The following SLCO5A1 variants were observed in gnomAD, a reference collection of about 807,000 sequenced individuals.
SLCO5A1 encodes solute carrier organic anion transporter family member 5A1.
A neutral mutation model predicts 65.1 loss-of-function variants in SLCO5A1; 39 were observed. The ratio of observed to expected loss-of-function variants is 0.60; its 90% confidence interval spans 0.46 to 0.78. The LOEUF (loss-of-function observed/expected upper bound fraction) is 0.78. Ranked by LOEUF, SLCO5A1 falls within the 30% of genes least tolerant of loss-of-function variation. The probability of loss-of-function intolerance (pLI) is 0.00; values close to 1 mark genes in which losing one functional copy is unlikely to be tolerated. For synonymous variants in SLCO5A1, 438 were observed against 415.7 expected (o/e 1.05, Z -0.65); for missense variants, 1,029 against 1,069.4 (o/e 0.96, Z 0.53).
At chr8:69,777,153 C>T (rs1818594801) in intron 2 of SLCO5A1, among the ~76,000 whole-genome samples, 1 of 152,194 alleles carries the variant, frequency 6.6e-6, no homozygotes, top group Admixed American at 6.5e-5. Flanking sequence ...TCCAAAACAT[C>T]TATCTAGAGA....
At chr8:69,721,243 G>T (rs752334885) in intron 5 of SLCO5A1, among the ~76,000 whole-genome samples, 4 of 152,154 alleles carry the variant, frequency 2.6e-5, no homozygotes, top group African/African-American at 9.7e-5. Flanking sequence ...AAGCACTGTG[G>T]GTGATTACAG....
chr8:69,806,883 C>T (rs139391788), intron 2 of SLCO5A1, among the ~76,000 whole-genome samples: 1 of 152,300 alleles, frequency 6.6e-6, no homozygotes. Flanking sequence ...AGTGGGAAAA[C>T]AGAAGTTAAT....
At chr8:69,793,797 A>G (rs1304743975) in intron 2 of SLCO5A1, among the ~76,000 whole-genome samples, 1 of 151,074 alleles carries the variant, frequency 6.6e-6, no homozygotes, top group African/African-American at 2.4e-5. Flanking sequence ...AAATAAATAA[A>G]TAAATAAATA....
intron 5 of SLCO5A1, among the ~76,000 whole-genome samples, chr8:69,715,138 C>T (rs1364624400): frequency 6.6e-6 from 1 of 152,102 alleles, no homozygotes; most frequent in African/African-American, 2.4e-5. Context: ...GGGCAAAAAC[C>T]ACTTGAAACG....
At chr8:69,688,436 T>A (rs1056389503) in intron 6 of SLCO5A1, among the ~76,000 whole-genome samples, 2 of 152,104 alleles carry the variant, frequency 1.3e-5, no homozygotes, top group African/African-American at 4.8e-5. Flanking sequence ...GCTGCACCCA[T>A]TAACTCGTCA....
At chr8:69,754,433 G>A (rs989537372) in intron 4 of SLCO5A1, among the ~76,000 whole-genome samples, 1 of 152,116 alleles carries the variant, frequency 6.6e-6, no homozygotes, top group African/African-American at 2.4e-5. Flanking sequence ...TTTATTCCAG[G>A]CTGGAAATGT....
chr8:69,816,846 CAT>C (rs1563372056), intron 2 of SLCO5A1, among the ~76,000 whole-genome samples: 2 of 152,166 alleles, frequency 1.3e-5, no homozygotes, highest in Non-Finnish European at 2.9e-5. Context: ...CATTATTTAA[CAT>C]GTGCTAGAAT....
Position 69,832,357 on chromosome 8 carries a change from G to A in SLCO5A1, c.317C>T (p.Ser106Leu), listed in dbSNP as rs375811111. ...GAGCATGGCCAAGGCGGAGGACACCGAGAAGGTTTTGCTGAGGTCCACCCT... is the reference window on the plus strand; with the variant it reads ...GAGCATGGCCAAGGCGGAGGACACCAAGAAGGTTTTGCTGAGGTCCACCCT... ...NHRVDLSKTF[S>L]VSSALAMLQE... The change falls in exon 2 of 10, where the codon TCG becomes TTG. Residue 106 changes from serine to leucine, a missense_variant. Physicochemically the swap from Ser to Leu is moderately radical, Grantham distance 145. Around this residue, in one of 3 missense-constraint regions of SLCO5A1, gnomAD observed 647 missense variants for 647.5 expected, o/e 1.00. Coordinates refer to ENST00000260126, the MANE Select transcript of SLCO5A1 (RefSeq NM_030958.3). This position sits in a 1 kb window ranked among gnomAD's most constrained non-coding sequence, Gnocchi z 4.5. 1 of 1,614,036 alleles carries A rather than the reference G, an allele frequency of 6.2e-7. No homozygotes were observed. Among genetic ancestry groups the A allele is most frequent in the South Asian group, 1.1e-5 (1 of 91,070 alleles).
At chr8:69,776,394 T>C (rs1028350105) in intron 2 of SLCO5A1, among the ~76,000 whole-genome samples, 1 of 152,166 alleles carries the variant, frequency 6.6e-6, no homozygotes, top group South Asian at 2.1e-4. Flanking sequence ...GTCACGATTA[T>C]ATAAACCTTC....
chr8:69,825,523 T>C (rs1820842467), intron 2 of SLCO5A1, among the ~76,000 whole-genome samples: 1 of 152,122 alleles, frequency 6.6e-6, no homozygotes, highest in African/African-American at 2.4e-5. Flanking sequence ...TGAACTCCCA[T>C]ACACAATTGC....
chr8:69,725,127 T>C (rs1242050738), intron 5 of SLCO5A1, among the ~76,000 whole-genome samples: 3 of 152,152 alleles, frequency 2.0e-5, no homozygotes, highest in Non-Finnish European at 4.4e-5. Flanking sequence ...GTTATAGCAT[T>C]TCACAGCCAG....
intron 5 of SLCO5A1, chr8:69,714,910 A>T (rs1247288066): frequency 6.6e-6 from 1 of 152,216 alleles, no homozygotes; most frequent in Non-Finnish European, 1.5e-5. Flanking sequence ...AGGTCTGGGG[A>T]TCACTGAAGG....
At chr8:69,736,655 C>A (rs1207462595) in intron 5 of SLCO5A1, among the ~76,000 whole-genome samples, 2 of 152,156 alleles carry the variant, frequency 1.3e-5, no homozygotes, top group Non-Finnish European at 2.9e-5. Context: ...GGGAGTTTCA[C>A]GATGCATATC....
Position 69,832,246 on chromosome 8 carries a change from A to T in SLCO5A1, c.428T>A (p.Leu143Ter). The T allele has an allele frequency of 6.2e-7, 1 of 1,614,168 alleles. No homozygotes were observed. Among genetic ancestry groups the T allele is most frequent in the South Asian group, 1.1e-5 (1 of 91,086 alleles). The change falls in exon 2 of 10, where the codon TTA (leucine) becomes TAA (stop). Residue 143 changes from leucine to a stop codon, truncating the protein, a stop_gained. Coordinates refer to ENST00000260126, the MANE Select transcript of SLCO5A1 (RefSeq NM_030958.3). LOFTEE classifies it high-confidence loss of function. The surrounding 1 kb of genome is among the most constrained non-coding windows in gnomAD (Gnocchi z 4.5). ...CMCFLTFIQA[L>*]MVSGYLSSVI... The stretch of plus-strand genomic sequence containing the variant: ...GCTGCTCAGGTACCCAGAGACCATT[A>T]ACGCCTGGATGAAGGTCAGAAAGCA...
intron 2 of SLCO5A1, among the ~76,000 whole-genome samples, chr8:69,788,751 AT>A (rs1013802027): frequency 4.6e-5 from 7 of 152,164 alleles, no homozygotes; most frequent in African/African-American, 1.7e-4. Context: ...ATGCATTAGC[AT>A]TTTATTCTTT....
chr8:69,751,547 C>CT (rs762744953), intron 4 of SLCO5A1, among the ~76,000 whole-genome samples: 1,912 of 141,076 alleles, frequency 0.014, 22 homozygotes, highest in Non-Finnish European at 0.02. Context: ...AAATAATTTT[C>CT]TTTTTTTTTT....
chr8:69,683,783 G>A (rs1208392194), intron 6 of SLCO5A1, among the ~76,000 whole-genome samples: 1 of 151,956 alleles, frequency 6.6e-6, no homozygotes, highest in Admixed American at 6.6e-5. Context: ...GGCTGGTCTC[G>A]AACTCCTAAC....
At chr8:69,689,761 G>A (rs1323019832) in intron 6 of SLCO5A1, among the ~76,000 whole-genome samples, 6 of 150,668 alleles carry the variant, frequency 4.0e-5, no homozygotes, top group Non-Finnish European at 5.9e-5. Context: ...ATAGTTTGAA[G>A]TCAGGTAGTG....
intron 4 of SLCO5A1, among the ~76,000 whole-genome samples, chr8:69,740,412 G>A (rs185548417): frequency 1.3e-4 from 20 of 152,298 alleles, no homozygotes; most frequent in African/African-American, 3.1e-4. Context: ...AAGGGGGATC[G>A]TTCTACATCA....
Sources: allele counts gnomAD v4.1 joint callset (sites outside exome capture counted in the v4.1 genomes callset), GRCh38; gene constraint gnomAD v4.1.1; regional missense constraint gnomAD v4.1.1; non-coding constraint Gnocchi (gnomAD v3.1); transcripts MANE v1.5; gene names NCBI Gene and HGNC (gene_info 2026-07-23, HGNC 2026-07-21).